CSMD1: variants seen among roughly 807,000 people sequenced by gnomAD.
CSMD1 encodes the protein CUB and sushi domain-containing protein 1.
CSMD1 carries 213 observed loss-of-function variants against 417.5 expected under a neutral mutation model. The observed-to-expected ratio is 0.51, with a 90% CI of 0.46 to 0.57. The LOEUF is 0.57. Among genes scored for constraint, CSMD1 ranks in the 20% least tolerant of loss-of-function variants. The pLI is 0.00. For missense variants in CSMD1, 6,923 were observed against 4,529.7 expected (o/e 1.53, Z -15.17); for synonymous variants, 2,862 against 1,736.8 (o/e 1.65, Z -16.11).
At chr8:4,516,649 C>G (rs1446308516) in intron 2 of CSMD1, among the ~76,000 whole-genome samples, 1 of 152,102 alleles carries the variant, frequency 6.6e-6, no homozygotes. Context: ...GTGATCCTGC[C>G]TCTCTCAAGT....
chr8:4,039,751 G>C (rs368976332), intron 3 of CSMD1, among the ~76,000 whole-genome samples: 1 of 152,234 alleles, frequency 6.6e-6, no homozygotes, highest in African/African-American at 2.4e-5. Flanking sequence ...ATAAATTGAT[G>C]TGGGGGAAGT....
Position 4,411,989 on chromosome 8 carries a change from GGTGT to G in CSMD1, c.415+7960_415+7963del, listed in dbSNP as rs60793651. Among the ~76,000 whole-genome samples, 474 of 149,034 alleles carry G rather than the reference GGTGT, an allele frequency of 3.2e-3. 1 individual carries two copies. Among genetic ancestry groups the G allele is most frequent in the African/African-American group, 0.01 (424 of 40,496 alleles). ...AAAAGTACACAGCAACATAGCTAAG[GGTGT>G]GTGTGTGTGTGTGTGTGTGTGTGTA... On this transcript the variant is annotated intron_variant, in intron 3 of 69. Transcript: ENST00000635120.
intron 3 of CSMD1, among the ~76,000 whole-genome samples, chr8:4,090,268 C>G (rs1198606729): frequency 1.3e-5 from 2 of 152,096 alleles, no homozygotes; most frequent in African/African-American, 2.4e-5. Flanking sequence ...TGTCAAAGAG[C>G]TTAGATTCTA....
At position 4,104,662 on chromosome 8, in the gene CSMD1, C is replaced by G. The variant is rs530360237; in HGVS notation, c.416-72563G>C. On this transcript the variant is annotated intron_variant, in intron 3 of 69. Transcript: ENST00000635120. ...TCATACATGGGAAAGAGCTGTGCCA[C>G]AGACTAGTAAAACAGCACAGTTCCA... Among the ~76,000 whole-genome samples the G allele has an allele frequency of 1.4e-4, 22 of 152,254 alleles. No homozygotes were observed. In the South Asian group the frequency reaches 4.2e-3, roughly 29 times the overall value.
At chr8:4,307,564 G>A (rs1463866753) in intron 3 of CSMD1, among the ~76,000 whole-genome samples, 1 of 152,160 alleles carries the variant, frequency 6.6e-6, no homozygotes, top group Non-Finnish European at 1.5e-5. Flanking sequence ...TGTTGCCTCT[G>A]CTTATCTGTG....
chr8:4,059,759 T>G (rs1452694139), intron 3 of CSMD1, among the ~76,000 whole-genome samples: 1 of 152,008 alleles, frequency 6.6e-6, no homozygotes, highest in Non-Finnish European at 1.5e-5. Flanking sequence ...GTTGAATCTC[T>G]GAATAGACCA....
At position 4,375,618 on chromosome 8, in the gene CSMD1, C is replaced by T. The variant is rs545717412; in HGVS notation, c.415+44335G>A. Among the ~76,000 whole-genome samples the T allele has an allele frequency of 3.9e-5, 6 of 152,152 alleles. No individual in the cohort carries two copies. In the South Asian group the frequency reaches 8.3e-4, roughly 21 times the overall value. On this transcript the variant is annotated intron_variant, in intron 3 of 69. Coordinates refer to ENST00000635120, the MANE Select transcript of CSMD1 (RefSeq NM_033225.6). ...AAGAAGGCTCACTGGCTAACAGCCA[C>T]GTGGAATTGTGGCTGTGGGATGGTC...
At chr8:3,972,055 G>A (rs1329672884) in intron 5 of CSMD1, among the ~76,000 whole-genome samples, 1 of 151,942 alleles carries the variant, frequency 6.6e-6, no homozygotes, top group Non-Finnish European at 1.5e-5. Flanking sequence ...ATTTTTCATA[G>A]AGACAGGGGC....
intron 3 of CSMD1, among the ~76,000 whole-genome samples, chr8:4,306,884 A>C (rs1163100149): frequency 6.6e-6 from 1 of 152,104 alleles, no homozygotes; most frequent in East Asian, 1.9e-4. Flanking sequence ...ATCTGCAGTT[A>C]TGCTTTCCTT....
At chr8:4,991,916 G>T (rs1210001340) in intron 1 of CSMD1, among the ~76,000 whole-genome samples, 1 of 152,144 alleles carries the variant, frequency 6.6e-6, no homozygotes, top group Non-Finnish European at 1.5e-5. Context: ...GGAGCTCCAC[G>T]GACCCACTGC....
intron 2 of CSMD1, among the ~76,000 whole-genome samples, chr8:4,611,631 G>A (rs911428515): frequency 6.6e-6 from 1 of 152,004 alleles, no homozygotes; most frequent in East Asian, 1.9e-4. Context: ...TCCTATAAAT[G>A]TAAGTCATTT....
chr8:3,317,433 A>G (rs372188555), intron 23 of CSMD1, among the ~76,000 whole-genome samples: 2 of 152,184 alleles, frequency 1.3e-5, no homozygotes, highest in African/African-American at 4.8e-5. Context: ...ACTCAATCAC[A>G]CAAGTGTGGA....
At chr8:3,427,445 C>T (rs959179517) in intron 12 of CSMD1, among the ~76,000 whole-genome samples, 10 of 151,970 alleles carry the variant, frequency 6.6e-5, no homozygotes, top group African/African-American at 2.4e-4. Flanking sequence ...TTCCACAATT[C>T]CTATATATAT....
intron 3 of CSMD1, among the ~76,000 whole-genome samples, chr8:4,094,176 G>C (rs1413163756): frequency 6.6e-6 from 1 of 152,038 alleles, no homozygotes; most frequent in East Asian, 1.9e-4. Flanking sequence ...AATGTGGTGA[G>C]CACTCTTTGG....
At chr8:2,968,550 T>C (rs1337882436) in intron 57 of CSMD1, among the ~76,000 whole-genome samples, 1 of 152,228 alleles carries the variant, frequency 6.6e-6, no homozygotes, top group African/African-American at 2.4e-5. Flanking sequence ...TCAAATATTG[T>C]ACTGTGGAAA....
chr8:3,687,789 T>A (rs896192031), intron 7 of CSMD1, among the ~76,000 whole-genome samples: 10 of 152,156 alleles, frequency 6.6e-5, no homozygotes, highest in African/African-American at 2.4e-4. Context: ...AAACACTTGA[T>A]CTTTGCTCCA....
At chr8:3,245,621 C>G (rs1272394728) in intron 26 of CSMD1, among the ~76,000 whole-genome samples, 1 of 152,170 alleles carries the variant, frequency 6.6e-6, no homozygotes. Flanking sequence ...GGACAGGAGC[C>G]TAAATCTTCC....
intron 3 of CSMD1, among the ~76,000 whole-genome samples, chr8:4,286,976 C>T (rs1220711996): frequency 2.0e-5 from 3 of 152,152 alleles, no homozygotes; most frequent in Non-Finnish European, 4.4e-5. Flanking sequence ...AGGAGGCTGA[C>T]ATCCACGCCA....
chr8:3,843,206 G>A (rs1803246678), intron 5 of CSMD1, among the ~76,000 whole-genome samples: 2 of 151,970 alleles, frequency 1.3e-5, no homozygotes, highest in Admixed American at 1.3e-4. Flanking sequence ...TGAAAACCTT[G>A]CTTTCCCATT....
Sources: allele counts gnomAD v4.1 joint callset (sites outside exome capture counted in the v4.1 genomes callset), GRCh38; gene constraint gnomAD v4.1.1; transcripts MANE v1.5; gene names NCBI Gene and HGNC (gene_info 2026-07-23, HGNC 2026-07-21).